Variants in CPED1 observed in about 807,000 individuals in gnomAD.
CPED1 encodes the protein cadherin-like and PC-esterase domain-containing protein 1.
CPED1 carries 114 observed loss-of-function variants against 128.2 expected under a neutral mutation model. The ratio of observed to expected loss-of-function variants is 0.89; its 90% CI spans 0.76 to 1.04. The LOEUF is 1.04. Among genes scored for constraint, CPED1 ranks in the 50% least tolerant of loss-of-function variants. The pLI is 0.00. For missense variants in CPED1, 1,211 were observed against 1,207.1 expected, an observed-to-expected ratio of 1.00 and a Z score of -0.05; for synonymous variants, 462 against 426.7, an observed-to-expected ratio of 1.08 and a Z score of -1.02.
rs545645352 is a variant in CPED1 at position 121,278,340 on chromosome 7, C to T, written c.2868+6910C>T. Among the ~76,000 whole-genome samples, 17 of 152,148 alleles carry T rather than the reference C, an allele frequency of 1.1e-4. No homozygotes were observed. In the South Asian group the frequency reaches 3.5e-3, roughly 32 times the overall value. ...AATAGTGTGTGGGGTGGCAAATGAA[C>T]AAGGTGGGGAGGAGGGTCTCTCCTT... On this transcript the variant is annotated intron_variant, in intron 22 of 22. Coordinates refer to ENST00000310396, the MANE Select transcript of CPED1 (RefSeq NM_024913.5).
chr7:121,288,507 C>T (rs1792629702), intron 22 of CPED1, among the ~76,000 whole-genome samples: 1 of 152,276 alleles, frequency 6.6e-6, no homozygotes, highest in South Asian at 2.1e-4. Context: ...TATCAACCTT[C>T]CATTGAGATC....
At chr7:121,181,718 A>G (rs1248810014) in intron 16 of CPED1, among the ~76,000 whole-genome samples, 2 of 152,132 alleles carry the variant, frequency 1.3e-5, no homozygotes, top group African/African-American at 4.8e-5. Flanking sequence ...TAAAACCTAT[A>G]TCATCCATAA....
At chr7:121,063,640 G>A (rs1223596077) in intron 4 of CPED1, among the ~76,000 whole-genome samples, 1 of 151,984 alleles carries the variant, frequency 6.6e-6, no homozygotes, top group African/African-American at 2.4e-5. Flanking sequence ...TCTCATATTG[G>A]GTATTAGTTT....
chr7:121,025,151 C>T (rs1226684371), intron 3 of CPED1, among the ~76,000 whole-genome samples: 2 of 152,030 alleles, frequency 1.3e-5, no homozygotes, highest in Non-Finnish European at 2.9e-5. Context: ...CCCTGAAGGT[C>T]TTTCATCTTT....
intron 16 of CPED1, among the ~76,000 whole-genome samples, chr7:121,154,024 C>G (rs1282538440): frequency 6.6e-6 from 1 of 152,144 alleles, no homozygotes; most frequent in Non-Finnish European, 1.5e-5. Context: ...ACAGACTATA[C>G]ATGGTGCCAT....
intron 13 of CPED1, 45 bp downstream of exon 13, chr7:121,133,938 A>G: frequency 8.4e-7 from 1 of 1,186,270 alleles, no homozygotes; most frequent in South Asian, 1.4e-5. Flanking sequence ...AAAAATAAGT[A>G]TTTCCTGGCA....
chr7:121,247,623 T>G (rs899850680), intron 18 of CPED1, among the ~76,000 whole-genome samples: 19 of 152,154 alleles, frequency 1.2e-4, no homozygotes, highest in African/African-American at 4.1e-4. Context: ...GTGAAGGAAC[T>G]GTGGGACTAC....
At chr7:121,109,781 C>A (rs1795061594) in intron 7 of CPED1, among the ~76,000 whole-genome samples, 1 of 152,148 alleles carries the variant, frequency 6.6e-6, no homozygotes, top group South Asian at 2.1e-4. Flanking sequence ...TTGTTCAAAT[C>A]ACACACAGAG....
At chr7:121,195,987 C>A (rs1272385758) in intron 16 of CPED1, among the ~76,000 whole-genome samples, 1 of 152,022 alleles carries the variant, frequency 6.6e-6, no homozygotes, top group Non-Finnish European at 1.5e-5. Context: ...GCTTAGGTTG[C>A]CGCTTTCCTA....
chr7:121,159,664 A>G (rs1420684095), intron 16 of CPED1, among the ~76,000 whole-genome samples: 1 of 152,178 alleles, frequency 6.6e-6, no homozygotes, highest in Non-Finnish European at 1.5e-5. Context: ...ATATTGTTCA[A>G]GATGGTGAAA....
chr7:121,186,553 CTA>C (rs1797009634), intron 16 of CPED1, among the ~76,000 whole-genome samples: 1 of 152,030 alleles, frequency 6.6e-6, no homozygotes, highest in Admixed American at 6.6e-5. Flanking sequence ...ACATAGGGCA[CTA>C]TACACACATC....
intron 10 of CPED1, among the ~76,000 whole-genome samples, chr7:121,127,858 A>G (rs549623179): frequency 6.6e-6 from 1 of 152,146 alleles, no homozygotes; most frequent in African/African-American, 2.4e-5. Flanking sequence ...GCTACAGAAT[A>G]CTTTTTTATT....
chr7:121,236,003 T>C (rs1798245877), intron 16 of CPED1, among the ~76,000 whole-genome samples: 1 of 152,034 alleles, frequency 6.6e-6, no homozygotes, highest in Non-Finnish European at 1.5e-5. Flanking sequence ...TGAAGTAGGA[T>C]AGAAGGACAT....
intron 7 of CPED1, among the ~76,000 whole-genome samples, chr7:121,116,334 A>G (rs1795233494): frequency 6.6e-6 from 1 of 152,226 alleles, no homozygotes; most frequent in African/African-American, 2.4e-5. Flanking sequence ...GGTTCAGCCA[A>G]TTTGGTTTTC....
chr7:121,146,274 CA>C (rs1212699714), intron 16 of CPED1, among the ~76,000 whole-genome samples: 1 of 152,006 alleles, frequency 6.6e-6, no homozygotes, highest in Non-Finnish European at 1.5e-5. Context: ...CAAAGGGCAG[CA>C]AAAGGGTCTA....
chr7:121,128,561 G>A, intron 11 of CPED1, 75 bp downstream of exon 11: 1 of 772,696 alleles, frequency 1.3e-6, no homozygotes, highest in Non-Finnish European at 2.3e-6. Flanking sequence ...ACCTGATTTT[G>A]ACATCAAACT....
chr7:121,181,249 A>C (rs986426182), intron 16 of CPED1, among the ~76,000 whole-genome samples: 2 of 152,090 alleles, frequency 1.3e-5, no homozygotes, highest in African/African-American at 4.8e-5. Context: ...TATATTCTTC[A>C]GACAGTCTGT....
At chr7:121,112,203 C>G (rs1036730716) in intron 7 of CPED1, among the ~76,000 whole-genome samples, 3 of 152,044 alleles carry the variant, frequency 2.0e-5, no homozygotes, top group Non-Finnish European at 4.4e-5. Flanking sequence ...AATGGCTGTC[C>G]CCATAAGGAT....
intron 18 of CPED1, among the ~76,000 whole-genome samples, chr7:121,263,039 C>T (rs1188487452): frequency 6.6e-6 from 1 of 151,964 alleles, no homozygotes; most frequent in Non-Finnish European, 1.5e-5. Flanking sequence ...TCTAGAAATC[C>T]CAGAGCTATG....
Sources: gnomAD v4.1 joint callset for allele counts (sites outside exome capture counted in the v4.1 genomes callset) on GRCh38, gnomAD v4.1.1 for gene constraint, MANE v1.5 for transcripts, NCBI Gene and HGNC (gene_info 2026-07-23, HGNC 2026-07-21) for gene names.